Variants in IER3IP1 observed in about 807,000 individuals in gnomAD.
The protein encoded by IER3IP1 is immediate early response 3 interacting protein 1.
In IER3IP1, 16 loss-of-function variants were observed where a neutral mutation model predicts 12.2. The ratio of observed to expected loss-of-function variants is 1.31; its 90% CI spans 0.89 to 1.99. The LOEUF (loss-of-function observed/expected upper bound fraction) is 1.99, where lower values mean the gene tolerates loss of function less well. IER3IP1 is among the 30% of genes most tolerant of loss of function. The pLI, the probability that IER3IP1 is intolerant of heterozygous loss-of-function variation, is 0.00. For synonymous variants in IER3IP1, 42 were observed against 40.0 expected (o/e 1.05, Z -0.19); for missense variants, 95 against 95.8 (o/e 0.99, Z 0.03).
chr18:47,167,211 C>G (rs756283896), intron 1 of IER3IP1, among the ~76,000 whole-genome samples: 2 of 152,104 alleles, frequency 1.3e-5, no homozygotes, highest in Non-Finnish European at 2.9e-5. Flanking sequence ...GTCACCAAGC[C>G]CGGCTAATTT....
chr18:47,159,350 GCAGA>G (rs1279419980), intron 1 of IER3IP1, among the ~76,000 whole-genome samples: 2 of 152,156 alleles, frequency 1.3e-5, no homozygotes, highest in Admixed American at 6.5e-5. Context: ...TTTCACTAAT[GCAGA>G]CAGATATAAA....
In IER3IP1 at chr18:47,176,180, C is replaced by CA; in HGVS notation, c.91+6dup. The CA allele has an allele frequency of 6.3e-7, 1 of 1,588,124 alleles. No individual in the cohort carries two copies. Among genetic ancestry groups the CA allele is most frequent in the Non-Finnish European group, 8.6e-7 (1 of 1,167,398 alleles). On this transcript the variant is annotated splice_region_variant and intron_variant, in intron 1 of 2. Coordinates refer to ENST00000256433, the MANE Select transcript of IER3IP1 (RefSeq NM_016097.5). ...CGCCCCAGCCCGCGCCCCGCGGTCC[C>CA]ACTCACTGTTCTTGAGGAATCGCTC... is the stretch of plus-strand genomic sequence containing the variant.
rs1479217250 is a variant in IER3IP1 at position 47,154,317 on chromosome 18, GC to G, written c.*1859del. 6.6e-6 allele frequency: 1 copy of G among 152,194 alleles called. No homozygotes were observed. Among genetic ancestry groups the G allele is most frequent in the African/African-American group, 2.4e-5 (1 of 41,438 alleles). The allele number at this position is 152,194 out of a possible 1,614,324, so 9.4% of individuals were successfully genotyped here. On this transcript the variant is annotated 3_prime_UTR_variant, in exon 3 of 3. Transcript: ENST00000256433. The stretch of plus-strand genomic sequence containing the variant: ...AGCCACAAACTGGAATTATGAAGTG[GC>G]CTCCAGATATGACATATTTTGATGT...
chr18:47,171,978 C>T (rs2064016938), intron 1 of IER3IP1, among the ~76,000 whole-genome samples: 1 of 152,088 alleles, frequency 6.6e-6, no homozygotes, highest in African/African-American at 2.4e-5. Context: ...GACGGGGTTT[C>T]TCCACGTTGG....
intron 1 of IER3IP1, among the ~76,000 whole-genome samples, chr18:47,161,429 G>A (rs977465580): frequency 4.6e-5 from 7 of 152,046 alleles, no homozygotes; most frequent in African/African-American, 7.3e-5. Flanking sequence ...TGTCACTATC[G>A]CAGCCTTTGC....
chr18:47,176,139 C>T, intron 1 of IER3IP1, 48 bp downstream of exon 1: 1 of 1,500,238 alleles, frequency 6.7e-7, no homozygotes, highest in Non-Finnish European at 9.1e-7. Context: ...TTACGCGCCC[C>T]CGGGGACTCC....
chr18:47,160,159 C>T (rs186840290), intron 1 of IER3IP1, among the ~76,000 whole-genome samples: 68 of 151,472 alleles, frequency 4.5e-4, no homozygotes, highest in African/African-American at 1.6e-3. Context: ...CGTGCCATTG[C>T]ACTCCAGCCT....
chr18:47,170,428 CA>C (rs1568074156), intron 1 of IER3IP1, among the ~76,000 whole-genome samples: 1 of 151,968 alleles, frequency 6.6e-6, no homozygotes, highest in African/African-American at 2.4e-5. Flanking sequence ...TCAGTTTCTT[CA>C]AAAAAGCTAA....
At chr18:47,157,635 A>T in intron 1 of IER3IP1, 98 bp from the exon 2 acceptor site, 1 of 1,006,202 alleles carries the variant, frequency 9.9e-7, no homozygotes, top group Non-Finnish European at 1.6e-6. Flanking sequence ...TGTTAAAGAC[A>T]AAGTAGAAAG....
In IER3IP1 at chr18:47,155,860, T is replaced by A. The variant is rs2063956895; in HGVS notation, c.*317A>T. On this transcript the variant is annotated 3_prime_UTR_variant, in exon 3 of 3. Transcript: ENST00000256433. Reference sequence around the variant, plus strand: ...CCCTGAGAAGTGAGAGATAGAAAAATATCTAAAAAAAGAGAAGCAACAGTC... The same window carrying A: ...CCCTGAGAAGTGAGAGATAGAAAAAAATCTAAAAAAAGAGAAGCAACAGTC... 1 of 197,832 alleles carries A rather than the reference T, an allele frequency of 5.1e-6. No homozygotes were observed. Among genetic ancestry groups the A allele is most frequent in the Non-Finnish European group, 1.0e-5 (1 of 98,536 alleles). The allele number at this position is 197,832 out of a possible 1,614,324, so 12.3% of individuals were successfully genotyped here.
At chr18:47,171,829 G>A (rs1035019781) in intron 1 of IER3IP1, among the ~76,000 whole-genome samples, 1 of 151,914 alleles carries the variant, frequency 6.6e-6, no homozygotes, top group African/African-American at 2.4e-5. Context: ...GTCTCACTGT[G>A]TCGCCCAGGC....
intron 1 of IER3IP1, among the ~76,000 whole-genome samples, chr18:47,162,226 A>C (rs1249671191): frequency 6.6e-6 from 1 of 152,154 alleles, no homozygotes; most frequent in Non-Finnish European, 1.5e-5. Context: ...CTTCCTCCCA[A>C]TACTGACATT....
At chr18:47,164,933 T>C (rs1000179915) in intron 1 of IER3IP1, among the ~76,000 whole-genome samples, 1 of 152,208 alleles carries the variant, frequency 6.6e-6, no homozygotes, top group Admixed American at 6.5e-5. Context: ...AAAAAGTTAC[T>C]GACTGCAACC....
At chr18:47,164,795 AG>A (rs1568072646) in intron 1 of IER3IP1, among the ~76,000 whole-genome samples, 2 of 149,752 alleles carry the variant, frequency 1.3e-5, no homozygotes, top group African/African-American at 4.9e-5. Flanking sequence ...AAAAAACAAG[AG>A]AGAGAGAGAG....
Position 47,172,920 on chromosome 18 carries a change from T to C in IER3IP1, c.91+3267A>G, listed in dbSNP as rs1207114845. 6.6e-6 allele frequency among the ~76,000 whole-genome samples: 1 copy of C among 152,224 alleles called. No homozygotes were observed. Among genetic ancestry groups the C allele is most frequent in the Non-Finnish European group, 1.5e-5 (1 of 68,032 alleles). ...AAGTTCTCCTGTCAGTTCTTCCATC[T>C]CTACCTAAACAATAAATACTAGAGG... On this transcript the variant is annotated intron_variant, in intron 1 of 2. Transcript: ENST00000256433. The surrounding 1 kb of genome is among the most constrained non-coding windows in gnomAD (Gnocchi z 4.0).
At chr18:47,165,343 A>G (rs954062696) in intron 1 of IER3IP1, among the ~76,000 whole-genome samples, 4 of 152,220 alleles carry the variant, frequency 2.6e-5, no homozygotes, top group African/African-American at 9.6e-5. Context: ...ACTTGAGGCC[A>G]GAAGTTCAAG....
chr18:47,165,968 T>C (rs2144432092), intron 1 of IER3IP1, among the ~76,000 whole-genome samples: 1 of 152,366 alleles, frequency 6.6e-6, no homozygotes, highest in East Asian at 1.9e-4. Context: ...GAGGGATGTT[T>C]CTATTGTGGT....
chr18:47,169,928 T>C (rs1459782871), intron 1 of IER3IP1, among the ~76,000 whole-genome samples: 1 of 152,180 alleles, frequency 6.6e-6, no homozygotes, highest in Non-Finnish European at 1.5e-5. Flanking sequence ...TTTTTAAAAT[T>C]TTGATGAAAT....
intron 1 of IER3IP1, among the ~76,000 whole-genome samples, chr18:47,170,727 G>A (rs1279937592): frequency 2.6e-5 from 4 of 151,904 alleles, no homozygotes; most frequent in Non-Finnish European, 1.5e-5. Flanking sequence ...TTTATATAGT[G>A]TTCCTAAATC....
Sources: allele counts gnomAD v4.1 joint callset (sites outside exome capture counted in the v4.1 genomes callset), GRCh38; gene constraint gnomAD v4.1.1; non-coding constraint Gnocchi (gnomAD v3.1); transcripts MANE v1.5; gene names NCBI Gene and HGNC (gene_info 2026-07-23, HGNC 2026-07-21).